Variants in AFG3L2 observed in about 807,000 individuals in gnomAD.
The protein encoded by AFG3L2 is AFG3 like matrix AAA peptidase subunit 2, also known as mitochondrial inner membrane m-AAA protease component AFG3L2.
AFG3L2 carries 54 observed loss-of-function variants against 94.5 expected under a neutral mutation model. The ratio of observed to expected loss-of-function variants is 0.57; its 90% confidence interval spans 0.46 to 0.72. The LOEUF (loss-of-function observed/expected upper bound fraction) is 0.72, where lower values mean the gene tolerates loss of function less well. Ranked by LOEUF, AFG3L2 falls within the 30% of genes least tolerant of loss-of-function variation. The probability of loss-of-function intolerance (pLI) is 0.00; values close to 1 mark genes in which losing one functional copy is unlikely to be tolerated. For missense variants in AFG3L2, 754 were observed against 994.9 expected, an observed-to-expected ratio of 0.76 and a Z score of 3.26; for synonymous variants, 377 against 365.5, an observed-to-expected ratio of 1.03 and a Z score of -0.36.
intron 6 of AFG3L2, among the ~76,000 whole-genome samples, chr18:12,360,679 A>G (rs1908633040): frequency 6.6e-6 from 1 of 152,220 alleles, no homozygotes; most frequent in Admixed American, 6.5e-5. Flanking sequence ...GGGACACCTC[A>G]GGGGCCAGGT....
rs1907436206 is a variant in AFG3L2 at position 12,329,305 on chromosome 18, C to G, written c.*260G>C. ...AGGGTCCAGCCTCGGCCACTCTGGG[C>G]TCAACCTTTCCAGCACGTCTGGGAG... On this transcript the variant is annotated 3_prime_UTR_variant, in exon 17 of 17. Transcript: ENST00000269143. 1.5e-6 allele frequency: 1 copy of G among 685,920 alleles called. No homozygotes were observed. The highest frequency in any genetic ancestry group is 2.6e-6 in the Non-Finnish European group (1 of 377,590). 42.5% of individuals were successfully genotyped at this position (685,920 alleles called of 1,614,324 possible).
chr18:12,356,836 A>G lies in AFG3L2; in HGVS notation c.1027-5T>C. On this transcript the variant is annotated splice_polypyrimidine_tract_variant and splice_region_variant and intron_variant, in intron 8 of 16. Coordinates refer to ENST00000269143, the MANE Select transcript of AFG3L2 (RefSeq NM_006796.3). ...AGGACCAGTGAGAATGGCACCCTTC[A>G]GATATGAAAAAAGAAATTACATTTA... The G allele has an allele frequency of 6.2e-7, 1 of 1,613,892 alleles. No individual in the cohort carries two copies. The highest frequency in any genetic ancestry group is 1.1e-5 in the South Asian group (1 of 91,058).
At position 12,348,171 on chromosome 18, in the gene AFG3L2, G is replaced by C; in HGVS notation, c.1663+102C>G. The C allele has an allele frequency of 3.0e-6, 3 of 986,636 alleles. No homozygotes were observed. In the Admixed American group the frequency reaches 5.8e-5, roughly 19 times the overall value. The allele number at this position is 986,636 out of a possible 1,614,324, so 61.1% of individuals were successfully genotyped here. On this transcript the variant is annotated intron_variant, in intron 13 of 16. Coordinates refer to ENST00000269143, the MANE Select transcript of AFG3L2 (RefSeq NM_006796.3). ...ATGTGGTGGGCCCCAGGGCTGAGTGGATACACTTTCTTTGCTTCTAGTTCT... is the reference window on the plus strand; with the variant it reads ...ATGTGGTGGGCCCCAGGGCTGAGTGCATACACTTTCTTTGCTTCTAGTTCT...
chr18:12,365,739 C>T (rs1287628769), intron 5 of AFG3L2, among the ~76,000 whole-genome samples: 1 of 152,160 alleles, frequency 6.6e-6, no homozygotes, highest in African/African-American at 2.4e-5. Flanking sequence ...TTTACACTAC[C>T]TCAGTAAGTA....
chr18:12,371,291 G>A (rs1458457498), intron 2 of AFG3L2, among the ~76,000 whole-genome samples: 2 of 149,198 alleles, frequency 1.3e-5, no homozygotes, highest in African/African-American at 5.0e-5. Context: ...TCCAACCTGG[G>A]CGACAAGAGC....
At chr18:12,353,514 C>CAAAAAAAAAAAAAAA (rs71172076) in intron 9 of AFG3L2, among the ~76,000 whole-genome samples, 1 of 81,062 alleles carries the variant, frequency 1.2e-5, no homozygotes, top group Non-Finnish European at 2.4e-5. Context: ...AATTCTGTCT[C>CAAAAAAAAAAAAAAA]AAAAAAAAAA....
rs1424912905 is a variant in AFG3L2, at chr18:12,340,210, T to A, written c.1971A>T (p.Ala657=). The part of the protein sequence containing the change: ...QDDLRKVTQS[A]YAQIVQFGMN... ...TCTTTCATATACTCACTTGGGCATA[T>A]GCACTCTGAGTTACTTTTCTCAAGT... Residue 657 remains alanine, a synonymous_variant, in exon 15 of 17, where the codon GCA becomes GCT. Transcript: ENST00000269143. 1.9e-6 allele frequency: 3 copies of A among 1,613,720 alleles called. No individual in the cohort carries two copies. The highest frequency in any genetic ancestry group is 2.5e-6 in the Non-Finnish European group (3 of 1,179,700).
chr18:12,370,078 A>AT (rs1908933296), intron 3 of AFG3L2, among the ~76,000 whole-genome samples: 1 of 149,748 alleles, frequency 6.7e-6, no homozygotes, highest in Non-Finnish European at 1.5e-5. Context: ...AAAAAAAAAA[A>AT]GCAAGGAAGT....
intron 5 of AFG3L2, among the ~76,000 whole-genome samples, chr18:12,365,489 AG>A (rs1230309335): frequency 6.6e-6 from 1 of 152,208 alleles, no homozygotes; most frequent in Non-Finnish European, 1.5e-5. Flanking sequence ...TGGTGGCATA[AG>A]GAAGCACCAG....
intron 16 of AFG3L2, among the ~76,000 whole-genome samples, chr18:12,330,576 G>A (rs1020733422): frequency 6.6e-6 from 1 of 152,038 alleles, no homozygotes; most frequent in South Asian, 2.1e-4. Context: ...TCCGAAGTTC[G>A]ACACCAGCCT....
intron 9 of AFG3L2, among the ~76,000 whole-genome samples, chr18:12,355,369 A>G (rs1908459928): frequency 6.6e-6 from 1 of 152,190 alleles, no homozygotes. Flanking sequence ...CATCATGGAA[A>G]TGCAAATCAA....
rs1327570558 is a variant in AFG3L2 at position 12,335,058 on chromosome 18, G to A, written c.2175+2283C>T. Among the ~76,000 whole-genome samples, 4 of 152,176 alleles carry A rather than the reference G, an allele frequency of 2.6e-5. No homozygotes were observed. In the East Asian group the frequency reaches 5.8e-4, roughly 22 times the overall value. ...TCCTATTGTTCCTAAAGAGATGGCT[G>A]CAAAGACAGAAACCATTTATCTCCC... On this transcript the variant is annotated intron_variant, in intron 16 of 16. Transcript: ENST00000269143.
At position 12,371,676 on chromosome 18, in the gene AFG3L2, T is replaced by G; in HGVS notation, c.130A>C (p.Thr44Pro). 6.2e-7 allele frequency: 1 copy of G among 1,613,962 alleles called. No individual in the cohort carries two copies. Among genetic ancestry groups the G allele is most frequent in the Non-Finnish European group, 8.5e-7 (1 of 1,179,962 alleles). The change falls in exon 2 of 17, where the codon ACA becomes CCA. Residue 44 changes from threonine (T) to proline (P), a missense_variant. By Grantham distance (38) the Thr-to-Pro change is conservative. Transcript: ENST00000269143. ...PCLRTLYRFV[T>P]TQARASRNSL... ...TTTCTGCTGGCCCTTGCTTGAGTTGTAACAAATCGGTAAAGCTGCAACAAG... is the reference window on the plus strand; with the variant it reads ...TTTCTGCTGGCCCTTGCTTGAGTTGGAACAAATCGGTAAAGCTGCAACAAG...
At chr18:12,360,583 T>C (rs1024178238) in intron 6 of AFG3L2, among the ~76,000 whole-genome samples, 3 of 152,176 alleles carry the variant, frequency 2.0e-5, no homozygotes, top group Non-Finnish European at 4.4e-5. Flanking sequence ...CGCACCCCAC[T>C]GTGCAACTGG....
chr18:12,352,756 G>A (rs1355956830), intron 10 of AFG3L2, among the ~76,000 whole-genome samples: 1 of 152,196 alleles, frequency 6.6e-6, no homozygotes, highest in Admixed American at 6.5e-5. Flanking sequence ...GTTTGTTTTA[G>A]GGAATGCTTT....
At chr18:12,375,647 G>T (rs914747645) in intron 1 of AFG3L2, among the ~76,000 whole-genome samples, 1 of 152,162 alleles carries the variant, frequency 6.6e-6, no homozygotes, top group Non-Finnish European at 1.5e-5. Context: ...CCAGGTTCAC[G>T]CCATTCCCCT....
chr18:12,337,239 G>T, intron 16 of AFG3L2, 102 bp downstream of exon 16: 1 of 1,023,832 alleles, frequency 9.8e-7, no homozygotes, highest in Non-Finnish European at 1.5e-6. Context: ...GAGCCAGAGA[G>T]AGGGAATTCT....
chr18:12,374,639 T>C (rs564675214), intron 1 of AFG3L2, among the ~76,000 whole-genome samples: 18 of 152,294 alleles, frequency 1.2e-4, no homozygotes, highest in Admixed American at 1.0e-3. Flanking sequence ...ATCTGAGTGA[T>C]ACAGGGACAA....
intron 1 of AFG3L2, among the ~76,000 whole-genome samples, chr18:12,376,232 G>A (rs1334588109): frequency 6.6e-6 from 1 of 152,196 alleles, no homozygotes; most frequent in East Asian, 1.9e-4. Context: ...ACCACCACCC[G>A]TACACCAGTG....
Sources: gnomAD v4.1 joint callset for allele counts (sites outside exome capture counted in the v4.1 genomes callset) on GRCh38, gnomAD v4.1.1 for gene constraint, MANE v1.5 for transcripts, NCBI Gene and HGNC (gene_info 2026-07-23, HGNC 2026-07-21) for gene names.